Variants in ITGA9 observed in about 807,000 individuals in gnomAD.
ITGA9 encodes the protein integrin subunit alpha 9, also known as integrin alpha-9.
A neutral mutation model predicts 127.8 loss-of-function variants in ITGA9; 56 were observed. The ratio of observed to expected loss-of-function variants is 0.44; its 90% CI spans 0.35 to 0.55. The LOEUF (loss-of-function observed/expected upper bound fraction) is 0.55, where lower values mean the gene tolerates loss of function less well. Ranked by LOEUF, ITGA9 falls within the 20% of genes least tolerant of loss-of-function variation. ITGA9 has a pLI of 0.00. For missense variants in ITGA9, 1,196 were observed against 1,347.1 expected (o/e 0.89, Z 1.76); for synonymous variants, 508 against 514.5 (o/e 0.99, Z 0.17).
chr3:37,669,641 G>GA (rs905516047), intron 17 of ITGA9, among the ~76,000 whole-genome samples: 21 of 151,034 alleles, frequency 1.4e-4, no homozygotes, highest in East Asian at 5.8e-4. Flanking sequence ...TAGTGGGAGA[G>GA]AAAAAAAAAC....
At chr3:37,539,150 A>G (rs1699242176) in intron 14 of ITGA9, among the ~76,000 whole-genome samples, 1 of 152,200 alleles carries the variant, frequency 6.6e-6, no homozygotes. Context: ...TTGGAGGAGT[A>G]AAGTTGGTGT....
chr3:37,484,645 T>A (rs1234465444), intron 4 of ITGA9, among the ~76,000 whole-genome samples: 4 of 152,172 alleles, frequency 2.6e-5, no homozygotes, highest in Admixed American at 2.6e-4. Flanking sequence ...TTTTTCTTTC[T>A]AATCTGTTAT....
chr3:37,736,372 G>A (rs1281843719), intron 19 of ITGA9, among the ~76,000 whole-genome samples: 1 of 152,184 alleles, frequency 6.6e-6, no homozygotes, highest in African/African-American at 2.4e-5. Context: ...TTTCAACAAA[G>A]ATGGAGTAGA....
At chr3:37,469,531 T>C (rs542526204) in intron 1 of ITGA9, among the ~76,000 whole-genome samples, 8 of 152,190 alleles carry the variant, frequency 5.3e-5, no homozygotes, top group Admixed American at 1.3e-4. Flanking sequence ...GTCACTGAGG[T>C]TGAATGACAA....
intron 17 of ITGA9, among the ~76,000 whole-genome samples, chr3:37,662,821 CT>C (rs1700551101): frequency 6.6e-6 from 1 of 152,182 alleles, no homozygotes; most frequent in African/African-American, 2.4e-5. Flanking sequence ...TCTCTGATGA[CT>C]GTGTAGACAG....
chr3:37,584,049 T>C (rs1398720546), intron 15 of ITGA9, among the ~76,000 whole-genome samples: 1 of 152,248 alleles, frequency 6.6e-6, no homozygotes, highest in Non-Finnish European at 1.5e-5. Flanking sequence ...GTAGACTGAC[T>C]GTATTAGTCA....
chr3:37,745,295 A>T (rs1017468870), intron 22 of ITGA9: 6 of 152,204 alleles, frequency 3.9e-5, no homozygotes, highest in Admixed American at 2.6e-4. Flanking sequence ...CTCACAGAGG[A>T]TGTGCCTTCT....
At chr3:37,701,467 C>T (rs947991802) in intron 18 of ITGA9, among the ~76,000 whole-genome samples, 7 of 152,218 alleles carry the variant, frequency 4.6e-5, no homozygotes, top group African/African-American at 1.7e-4. Context: ...CTTACTCCCA[C>T]TGGGGAACCC....
chr3:37,727,909 C>T (rs1696234872), intron 18 of ITGA9, among the ~76,000 whole-genome samples: 1 of 152,134 alleles, frequency 6.6e-6, no homozygotes, highest in Non-Finnish European at 1.5e-5. Context: ...AGTGGTTTTG[C>T]AGTGGTTTTA....
intron 14 of ITGA9, among the ~76,000 whole-genome samples, chr3:37,535,740 G>T (rs190406318): frequency 6.6e-6 from 1 of 152,288 alleles, no homozygotes; most frequent in Non-Finnish European, 1.5e-5. Flanking sequence ...CTCTAAGGGT[G>T]TGTTTCCCCG....
intron 26 of ITGA9, among the ~76,000 whole-genome samples, chr3:37,795,747 C>T (rs1488491082): frequency 6.6e-6 from 1 of 152,212 alleles, no homozygotes; most frequent in Non-Finnish European, 1.5e-5. Flanking sequence ...CCAAAACCAG[C>T]AGACTTCTCC....
chr3:37,469,175 G>T (rs1215073184), intron 1 of ITGA9, among the ~76,000 whole-genome samples: 2 of 152,340 alleles, frequency 1.3e-5, no homozygotes, highest in East Asian at 3.9e-4. Flanking sequence ...GGTGGGTCTT[G>T]CCCCTTTCCT....
intron 23 of ITGA9, among the ~76,000 whole-genome samples, chr3:37,756,101 A>G (rs1194903665): frequency 6.6e-6 from 1 of 152,032 alleles, no homozygotes; most frequent in Non-Finnish European, 1.5e-5. Context: ...TTAAAAATCC[A>G]AGTACCAAAT....
At chr3:37,620,651 T>G (rs1244011733) in intron 15 of ITGA9, among the ~76,000 whole-genome samples, 3 of 152,164 alleles carry the variant, frequency 2.0e-5, no homozygotes, top group Admixed American at 6.5e-5. Flanking sequence ...AAGTTGTCGC[T>G]TTGCCTGGTC....
chr3:37,784,243 C>T (rs1286950625), intron 25 of ITGA9, among the ~76,000 whole-genome samples: 2 of 152,150 alleles, frequency 1.3e-5, no homozygotes. Context: ...TTTTCCAGTC[C>T]CTGTCTTCTT....
chr3:37,529,895 C>T (rs1699131138), intron 13 of ITGA9, among the ~76,000 whole-genome samples: 1 of 151,754 alleles, frequency 6.6e-6, no homozygotes, highest in South Asian at 2.1e-4. Context: ...GGAATAAGGT[C>T]AGAGCAAGGT....
chr3:37,565,718 C>A (rs1699539869), intron 15 of ITGA9, among the ~76,000 whole-genome samples: 1 of 152,184 alleles, frequency 6.6e-6, no homozygotes, highest in African/African-American at 2.4e-5. Context: ...TGCCCCATCA[C>A]AAATAGATTG....
intron 26 of ITGA9, among the ~76,000 whole-genome samples, chr3:37,789,768 CAAAA>C (rs71635850): frequency 2.8e-5 from 1 of 35,686 alleles, no homozygotes; most frequent in Non-Finnish European, 4.6e-5. Context: ...GACTCCGTCT[CAAAA>C]AAAAAAAAAA....
At chr3:37,519,401 G>A (rs564204183) in intron 11 of ITGA9, 47 bp downstream of exon 11, 5 of 1,451,408 alleles carry the variant, frequency 3.4e-6, no homozygotes, top group Non-Finnish European at 4.8e-6. Context: ...CATTCATTCA[G>A]CAAACATGTA....
Sources: gnomAD v4.1 joint callset for allele counts (sites outside exome capture counted in the v4.1 genomes callset) on GRCh38, gnomAD v4.1.1 for gene constraint, MANE v1.5 for transcripts, NCBI Gene and HGNC (gene_info 2026-07-23, HGNC 2026-07-21) for gene names.